Variants in PKD1L3 observed in about 807,000 individuals in gnomAD.
PKD1L3 encodes polycystin 1 like 3, transient receptor potential channel interacting.
A neutral mutation model predicts 184.1 loss-of-function variants in PKD1L3; 239 were observed. The observed-to-expected ratio is 1.30, with a 90% CI of 1.17 to 1.45. The LOEUF (loss-of-function observed/expected upper bound fraction) is 1.45, where lower values mean the gene tolerates loss of function less well. Ranked by LOEUF, PKD1L3 falls within the 40% of genes most tolerant of loss-of-function variation. PKD1L3 has a pLI of 0.00. For missense variants in PKD1L3, 2,660 were observed against 2,067.2 expected (o/e 1.29, Z -5.56); for synonymous variants, 996 against 778.8 (o/e 1.28, Z -4.64).
Position 71,950,036 on chromosome 16 carries a change from G to C in PKD1L3, c.3384-19C>G, listed in dbSNP as rs2038770006. 1 of 1,551,076 alleles carries C rather than the reference G, an allele frequency of 6.4e-7. No homozygotes were observed. Among genetic ancestry groups the C allele is most frequent in the African/African-American group, 1.4e-5 (1 of 72,896 alleles). Reference sequence around the variant, plus strand: ...GACTTCCCTGAAGCACAAAAGTTGAGGGAATAATCTTGTATGCATCGGCTG... The same window carrying C: ...GACTTCCCTGAAGCACAAAAGTTGACGGAATAATCTTGTATGCATCGGCTG... On this transcript the variant is annotated intron_variant, in intron 20 of 29. Transcript: ENST00000620267.
chr16:71,943,446 G>A (rs1450328141), intron 23 of PKD1L3, among the ~76,000 whole-genome samples: 3 of 143,014 alleles, frequency 2.1e-5, no homozygotes, highest in South Asian at 4.4e-4. Flanking sequence ...GCCGAGGTAG[G>A]AGAATCGCTA....
chr16:71,950,096 A>G (rs1175786174), intron 20 of PKD1L3, 22 bp downstream of exon 20: 1 of 1,549,410 alleles, frequency 6.5e-7, no homozygotes, highest in African/African-American at 1.4e-5. Flanking sequence ...GGGGATAAAG[A>G]AGGCTTGGTG....
chr16:71,931,765 C>T (rs1349126031), intron 28 of PKD1L3, among the ~76,000 whole-genome samples: 1 of 152,050 alleles, frequency 6.6e-6, no homozygotes, highest in African/African-American at 2.4e-5. Flanking sequence ...GTGCCCGGCT[C>T]AAAGTCCCTT....
In PKD1L3 at chr16:71,933,984, G is replaced by C. The variant is rs972038110; in HGVS notation, c.4755C>G (p.Ser1585Arg). Residue 1585 changes from serine to arginine, a missense_variant, in exon 27 of 30, where the codon AGC (serine) becomes AGG (arginine). Transcript: ENST00000620267. The part of the protein sequence containing the change: ...PRLRVISRTL[S>R]RAWDEVVGFL... The stretch of plus-strand genomic sequence containing the variant: ...AGCCCACCACCTCGTCCCAGGCTCG[G>C]CTCAGTGTCCTGCTGATGACCCGCA... The C allele has an allele frequency of 9.0e-6, 14 of 1,551,500 alleles. No individual in the cohort carries two copies. The highest frequency in any genetic ancestry group is 2.0e-5 in the Admixed American group (1 of 50,966).
chr16:71,963,911 A>G (rs920795124), intron 15 of PKD1L3, among the ~76,000 whole-genome samples: 30 of 152,344 alleles, frequency 2.0e-4, no homozygotes, highest in African/African-American at 3.6e-4. Flanking sequence ...TACACATTTT[A>G]TAACCTTTCT....
intron 2 of PKD1L3, among the ~76,000 whole-genome samples, chr16:71,996,182 G>A (rs895180158): frequency 1.3e-5 from 2 of 151,108 alleles, no homozygotes; most frequent in Non-Finnish European, 2.9e-5. Context: ...GGATATGGAC[G>A]CTGATACAGT....
At chr16:71,939,264 C>T (rs2038282216) in intron 24 of PKD1L3, among the ~76,000 whole-genome samples, 1 of 152,240 alleles carries the variant, frequency 6.6e-6, no homozygotes, top group Non-Finnish European at 1.5e-5. Context: ...CGTGCTTGCT[C>T]ATCCATACAT....
intron 3 of PKD1L3, among the ~76,000 whole-genome samples, chr16:71,992,238 T>C (rs2040615626): frequency 6.6e-6 from 1 of 152,194 alleles, no homozygotes; most frequent in African/African-American, 2.4e-5. Context: ...GTTAGGTAAA[T>C]TGCCCCACAA....
chr16:71,992,177 C>A (rs376548013), intron 3 of PKD1L3, among the ~76,000 whole-genome samples: 1 of 152,040 alleles, frequency 6.6e-6, no homozygotes, highest in South Asian at 2.1e-4. Context: ...GAGATCCAGC[C>A]CGCAAACTTT....
chr16:71,950,390 TGATG>T (rs1383030357), intron 19 of PKD1L3, 80 bp from the exon 20 acceptor site: 3 of 1,233,630 alleles, frequency 2.4e-6, no homozygotes, highest in Non-Finnish European at 3.4e-6. Flanking sequence ...AACAATTCAT[TGATG>T]GATGATGAGG....
At chr16:71,998,757 G>A (rs1465435024) in intron 1 of PKD1L3, among the ~76,000 whole-genome samples, 6 of 152,012 alleles carry the variant, frequency 3.9e-5, no homozygotes, top group Non-Finnish European at 1.5e-5. Flanking sequence ...ACCCTGCCAG[G>A]CATTTTTTAA....
At chr16:71,951,395 G>T (rs140626022) in intron 19 of PKD1L3, among the ~76,000 whole-genome samples, 169 bp downstream of exon 19, 1 of 152,314 alleles carries the variant, frequency 6.6e-6, no homozygotes, top group East Asian at 1.9e-4. Flanking sequence ...TTGTCTACAA[G>T]TCATCAAGGA....
At chr16:71,966,470 C>T (rs529609210) in intron 15 of PKD1L3, among the ~76,000 whole-genome samples, 1 of 150,698 alleles carries the variant, frequency 6.6e-6, no homozygotes, top group African/African-American at 2.4e-5. Flanking sequence ...TGCTGTTGCC[C>T]AGGCTGGTGT....
chr16:71,947,659 A>T, intron 21 of PKD1L3, 68 bp from the exon 22 acceptor site: 1 of 1,071,380 alleles, frequency 9.3e-7, no homozygotes, highest in Non-Finnish European at 1.4e-6. Flanking sequence ...ACCGTATGTA[A>T]AGGAAGAGGT....
At chr16:71,941,427 A>G (rs1434014939) in intron 24 of PKD1L3, among the ~76,000 whole-genome samples, 4 of 152,224 alleles carry the variant, frequency 2.6e-5, no homozygotes, top group African/African-American at 9.6e-5. Context: ...CAAAAATATA[A>G]GAAAATCAGA....
intron 24 of PKD1L3, among the ~76,000 whole-genome samples, chr16:71,937,698 A>T (rs567476270): frequency 1.4e-4 from 22 of 152,292 alleles, no homozygotes; most frequent in African/African-American, 5.1e-4. Flanking sequence ...AACAGTTATT[A>T]TAGATGTTAC....
In PKD1L3 at chr16:71,942,954, G is replaced by T. The variant is rs1344813341; in HGVS notation, c.3930C>A (p.Leu1310=). 3.2e-6 allele frequency: 5 copies of T among 1,551,448 alleles called. No homozygotes were observed. Among genetic ancestry groups the T allele is most frequent in the Non-Finnish European group, 2.6e-6 (3 of 1,146,938 alleles). The change falls in exon 24 of 30, where the codon CTC becomes CTA. Residue 1310 remains leucine, a synonymous_variant. Transcript: ENST00000620267. ...AAAATGTCTTCCAGATAGCTTGGTG[G>T]AGGTAAAATCTATTGGAGTTCTTTG... is the stretch of plus-strand genomic sequence containing the variant. ...YSAKNSNRFY[L]HQAIWKTFSH...
intron 21 of PKD1L3, among the ~76,000 whole-genome samples, chr16:71,948,018 G>A (rs979343145): frequency 6.6e-6 from 1 of 151,596 alleles, no homozygotes; most frequent in Non-Finnish European, 1.5e-5. Flanking sequence ...CTGGGTTCAA[G>A]CGATTCTCTT....
intron 22 of PKD1L3, among the ~76,000 whole-genome samples, chr16:71,946,562 A>C (rs1177962768): frequency 6.6e-6 from 1 of 151,830 alleles, no homozygotes; most frequent in Non-Finnish European, 1.5e-5. Flanking sequence ...AGGGTAGGCC[A>C]GTTAGCCTTA....
Sources: gnomAD v4.1 joint callset for allele counts (sites outside exome capture counted in the v4.1 genomes callset) on GRCh38, gnomAD v4.1.1 for gene constraint, MANE v1.5 for transcripts, NCBI Gene and HGNC (gene_info 2026-07-23, HGNC 2026-07-21) for gene names.